MAP7: variants seen among roughly 807,000 people sequenced by gnomAD.
MAP7 encodes the protein microtubule associated protein 7, also known as ensconsin.
A neutral mutation model predicts 94.8 loss-of-function variants in MAP7; 52 were observed. That is an observed-to-expected ratio of 0.55 (90% CI 0.44 to 0.69). MAP7 has a LOEUF of 0.69. Among genes scored for constraint, MAP7 ranks in the 30% least tolerant of loss-of-function variants. The pLI is 0.00. For synonymous variants in MAP7, 350 were observed against 357.0 expected (o/e 0.98, Z 0.22); for missense variants, 940 against 964.6 (o/e 0.97, Z 0.34).
At chr6:136,480,798 T>C (rs2128963371) in intron 1 of MAP7, among the ~76,000 whole-genome samples, 2 of 152,020 alleles carry the variant, frequency 1.3e-5, no homozygotes, top group Admixed American at 1.3e-4. Flanking sequence ...AAAAAGCTTT[T>C]CACAGGAAAG....
chr6:136,465,282 T>A (rs1806608284), intron 1 of MAP7, among the ~76,000 whole-genome samples: 1 of 152,224 alleles, frequency 6.6e-6, no homozygotes, highest in Non-Finnish European at 1.5e-5. Context: ...ATTATCTGGA[T>A]TTTTAAAAAA....
At chr6:136,354,625 C>T (rs73563579) in intron 16 of MAP7, among the ~76,000 whole-genome samples, 1,545 of 151,680 alleles carry the variant, frequency 0.01, 23 homozygotes, top group East Asian at 0.039. Flanking sequence ...TAGAAAAAGG[C>T]TATGCTTATG....
intron 1 of MAP7, among the ~76,000 whole-genome samples, chr6:136,503,401 A>G (rs73777917): frequency 0.032 from 4,794 of 148,898 alleles, 266 homozygotes; most frequent in African/African-American, 0.11. Context: ...TCTGAGGGGG[A>G]AAAAAAAAGG....
At position 136,440,305 on chromosome 6, in the gene MAP7, G is replaced by A. The variant is rs1391490929; in HGVS notation, c.68-18506C>T. Among the ~76,000 whole-genome samples the A allele has an allele frequency of 2.6e-5, 4 of 152,276 alleles. No homozygotes were observed. In the South Asian group the frequency reaches 6.2e-4, roughly 24 times the overall value. On this transcript the variant is annotated intron_variant, in intron 1 of 17. Coordinates refer to ENST00000354570, the MANE Select transcript of MAP7 (RefSeq NM_003980.6). ...TAGAAATACATAATTAAAACGTAAT[G>A]TAGTAAGTACTGTGATAGAGATCTC...
intron 7 of MAP7, among the ~76,000 whole-genome samples, chr6:136,375,202 C>T (rs1487655450): frequency 6.6e-6 from 1 of 152,050 alleles, no homozygotes. Flanking sequence ...TACTGAGGGC[C>T]TACTATGTGC....
chr6:136,488,095 G>C (rs1815347478), intron 1 of MAP7, among the ~76,000 whole-genome samples: 1 of 152,270 alleles, frequency 6.6e-6, no homozygotes, highest in Non-Finnish European at 1.5e-5. Flanking sequence ...TCTTTTCAAA[G>C]TCACTTTTTA....
intron 1 of MAP7, among the ~76,000 whole-genome samples, chr6:136,443,915 C>T (rs1014002297): frequency 3.3e-5 from 5 of 152,120 alleles, no homozygotes; most frequent in Non-Finnish European, 7.3e-5. Context: ...GGAGCAGGGC[C>T]TTGCTTCATG....
At chr6:136,526,720 A>G (rs1329365263) in intron 1 of MAP7, 2 of 977,684 alleles carry the variant, frequency 2.0e-6, no homozygotes, top group African/African-American at 3.5e-5. Flanking sequence ...TGGAGACAGA[A>G]GCCTGAGGAA....
chr6:136,373,183 T>G (rs1380037424), intron 7 of MAP7, among the ~76,000 whole-genome samples: 1 of 152,178 alleles, frequency 6.6e-6, no homozygotes, highest in Non-Finnish European at 1.5e-5. Context: ...TAAAAAATGT[T>G]AAGTGAACAA....
chr6:136,405,828 C>T (rs1785420269), intron 3 of MAP7, among the ~76,000 whole-genome samples: 1 of 152,150 alleles, frequency 6.6e-6, no homozygotes, highest in South Asian at 2.1e-4. Flanking sequence ...TTTGAGGGTA[C>T]AGCAAAGAGT....
Position 136,549,966 on chromosome 6 carries a change from T to A in MAP7, c.67+376A>T, listed in dbSNP as rs565129882. ...ACCTGGCCGACGACTCTCTGGCCAC[T>A]GGTTTGGTCTGGGGGATACGATTTC... On this transcript the variant is annotated intron_variant, in intron 1 of 17. Transcript: ENST00000354570. Among the ~76,000 whole-genome samples the A allele has an allele frequency of 4.7e-4, 71 of 152,262 alleles. 1 individual carries two copies. The South Asian group carries it at 0.014, about 30-fold the overall frequency.
At chr6:136,528,243 G>A (rs1162531619) in intron 1 of MAP7, among the ~76,000 whole-genome samples, 1 of 152,198 alleles carries the variant, frequency 6.6e-6, no homozygotes, top group Non-Finnish European at 1.5e-5. Flanking sequence ...GAGATGGAAG[G>A]AAAGGGAGGA....
intron 1 of MAP7, among the ~76,000 whole-genome samples, chr6:136,429,839 G>C (rs1381844504): frequency 1.3e-5 from 2 of 152,158 alleles, no homozygotes; most frequent in East Asian, 3.8e-4. Flanking sequence ...AAGAGAAAAT[G>C]ATATATTTTC....
At chr6:136,539,257 A>T (rs1829125702) in intron 1 of MAP7, among the ~76,000 whole-genome samples, 1 of 152,218 alleles carries the variant, frequency 6.6e-6, no homozygotes, top group African/African-American at 2.4e-5. Context: ...CTATTTTAAA[A>T]AGGAAGACAC....
At position 136,361,088 on chromosome 6, in the gene MAP7, G is replaced by C. The variant is rs148141271; in HGVS notation, c.1618C>G (p.Arg540Gly). 44 of 1,604,166 alleles carry C rather than the reference G, an allele frequency of 2.7e-5. No individual in the cohort carries two copies. The African/African-American group carries it at 4.5e-4, about 17-fold the overall frequency. Reference protein sequence around the residue: ...ESRRLEAEQAREKEEQLQRQA... With the variant: ...ESRRLEAEQAGEKEEQLQRQA... ...CGCTGCAGCTGCTCCTCCTTCTCCC[G>C]GGCCTGCTCGGCTTCCAGCCTGCGC... Residue 540 changes from arginine (R) to glycine (G), a missense_variant, in exon 12 of 18, where the codon CGG (arginine) becomes GGG (glycine). Physicochemically the swap from Arg to Gly is moderately radical, Grantham distance 125. Coordinates refer to ENST00000354570, the MANE Select transcript of MAP7 (RefSeq NM_003980.6).
chr6:136,392,321 C>G (rs1781008761), intron 3 of MAP7, among the ~76,000 whole-genome samples: 1 of 151,738 alleles, frequency 6.6e-6, no homozygotes, highest in Non-Finnish European at 1.5e-5. Context: ...TCAAGGGATC[C>G]ACCTGTCTTG....
intron 3 of MAP7, among the ~76,000 whole-genome samples, chr6:136,403,886 T>C (rs949469706): frequency 5.3e-5 from 8 of 152,360 alleles, no homozygotes; most frequent in Non-Finnish European, 1.2e-4. Context: ...TGCATTTAGG[T>C]CCCTCAGCTG....
intron 1 of MAP7, among the ~76,000 whole-genome samples, chr6:136,422,219 C>T (rs1791598145): frequency 6.6e-6 from 1 of 152,170 alleles, no homozygotes; most frequent in Non-Finnish European, 1.5e-5. Context: ...TCTTTGGGGT[C>T]ACTGAGTCTC....
intron 16 of MAP7, among the ~76,000 whole-genome samples, chr6:136,351,894 C>G (rs1198897485): frequency 6.6e-6 from 1 of 152,110 alleles, no homozygotes; most frequent in Non-Finnish European, 1.5e-5. Flanking sequence ...CGTGCTTTTC[C>G]CAGTGCCTGG....
Sources: gnomAD v4.1 joint callset for allele counts (sites outside exome capture counted in the v4.1 genomes callset) on GRCh38, gnomAD v4.1.1 for gene constraint, MANE v1.5 for transcripts, NCBI Gene and HGNC (gene_info 2026-07-23, HGNC 2026-07-21) for gene names.